Variants in AGBL3 observed in about 807,000 individuals in gnomAD.
AGBL3 encodes the protein AGBL carboxypeptidase 3.
In AGBL3, 68 loss-of-function variants were observed where a neutral mutation model predicts 94.5. The observed-to-expected ratio is 0.72, with a 90% confidence interval of 0.59 to 0.88. The LOEUF (loss-of-function observed/expected upper bound fraction) is 0.88. Among genes scored for constraint, AGBL3 ranks in the 40% least tolerant of loss-of-function variants. The probability of loss-of-function intolerance (pLI) is 0.00; values close to 1 mark genes in which losing one functional copy is unlikely to be tolerated. For synonymous variants in AGBL3, 354 were observed against 370.7 expected, an observed-to-expected ratio of 0.95 and a Z score of 0.52; for missense variants, 934 against 1,103.8, an observed-to-expected ratio of 0.85 and a Z score of 2.18.
At position 135,006,295 on chromosome 7, in the gene AGBL3, G is replaced by T. The variant is rs1006301120; in HGVS notation, c.311-10757G>T. On this transcript the variant is annotated intron_variant, in intron 4 of 16. Transcript: ENST00000436302. Reference sequence around the variant, plus strand: ...ACCCCTCATTGACTAGAATTATATTGCATGGCTACTCCTGGCCACAGGCAA... The same window carrying T: ...ACCCCTCATTGACTAGAATTATATTTCATGGCTACTCCTGGCCACAGGCAA... 4.7e-4 allele frequency among the ~76,000 whole-genome samples: 72 copies of T among 151,666 alleles called. 1 individual carries two copies. The highest frequency in any genetic ancestry group is 4.0e-4 in the Non-Finnish European group (27 of 67,744).
chr7:135,026,350 T>C (rs1184597634), intron 5 of AGBL3, among the ~76,000 whole-genome samples: 3 of 150,100 alleles, frequency 2.0e-5, no homozygotes, highest in Admixed American at 6.7e-5. Flanking sequence ...TCTTGGCTCA[T>C]TGCAACCTCC....
intron 16 of AGBL3, among the ~76,000 whole-genome samples, chr7:135,123,631 G>A (rs1232000688): frequency 6.6e-6 from 1 of 152,022 alleles, no homozygotes; most frequent in Non-Finnish European, 1.5e-5. Flanking sequence ...AAATGTTAAG[G>A]GCAGCCAGAG....
intron 5 of AGBL3, among the ~76,000 whole-genome samples, chr7:135,020,360 T>A (rs767522663): frequency 1.3e-5 from 2 of 152,164 alleles, no homozygotes; most frequent in Non-Finnish European, 2.9e-5. Flanking sequence ...CACAATGAGA[T>A]ACCATCTCAC....
chr7:135,055,969 A>G (rs1476172753), intron 11 of AGBL3, among the ~76,000 whole-genome samples: 3 of 151,834 alleles, frequency 2.0e-5, no homozygotes, highest in Non-Finnish European at 4.4e-5. Flanking sequence ...TTAGATCTAT[A>G]TCTCTCCCAG....
intron 5 of AGBL3, among the ~76,000 whole-genome samples, chr7:135,032,372 T>G (rs1222859361): frequency 6.6e-6 from 1 of 152,034 alleles, no homozygotes; most frequent in East Asian, 1.9e-4. Flanking sequence ...TGACGCGATC[T>G]CCGCTCACTG....
intron 11 of AGBL3, among the ~76,000 whole-genome samples, chr7:135,058,231 T>C (rs1818507747): frequency 6.6e-6 from 1 of 152,154 alleles, no homozygotes; most frequent in South Asian, 2.1e-4. Flanking sequence ...ACCTGCTCAA[T>C]TTTTCTGTAA....
chr7:135,037,636 T>G, intron 8 of AGBL3, 56 bp downstream of exon 8: 1 of 1,401,384 alleles, frequency 7.1e-7, no homozygotes. Context: ...CCATGTGAGA[T>G]AGCAGAATGG....
At position 135,056,517 on chromosome 7, in the gene AGBL3, T is replaced by G. The variant is rs535272836; in HGVS notation, c.1842-2652T>G. Among the ~76,000 whole-genome samples, 6 of 152,140 alleles carry G rather than the reference T, an allele frequency of 3.9e-5. No homozygotes were observed. The South Asian group carries it at 1.2e-3, about 32-fold the overall frequency. ...ATCTATGTAGAAAATATCAAAGAAT[T>G]TTTTAAAAACCTGAAACTAATAATT... On this transcript the variant is annotated intron_variant, in intron 11 of 16. Transcript: ENST00000436302.
intron 5 of AGBL3, among the ~76,000 whole-genome samples, chr7:135,030,493 ATG>A (rs1815613705): frequency 6.6e-6 from 1 of 152,154 alleles, no homozygotes; most frequent in Non-Finnish European, 1.5e-5. Context: ...TCTGTATGTA[ATG>A]TGTCTTTTTC....
rs1554510800 is a variant in AGBL3 at position 135,073,512 on chromosome 7, A to AAATAAACT, written c.1909-2883_1909-2882insTAAACTAA. 7.8e-3 allele frequency among the ~76,000 whole-genome samples: 1,120 copies of AAATAAACT among 144,230 alleles called. 6 individuals carry two copies. The highest frequency in any genetic ancestry group is 0.014 in the Middle Eastern group (4 of 288). 94.6% of individuals were successfully genotyped at this position (144,230 alleles called of 152,430 possible). A position where few individuals can be genotyped will look rare whatever the true frequency, so the allele number is the denominator to read the frequency against. On this transcript the variant is annotated intron_variant, in intron 12 of 16. Transcript: ENST00000436302. ...TAAATAAATAAATAAATAAATAAATAAACCTTGCAGTTTTAAGAGTGTAGT... is the reference window on the plus strand; with the variant it reads ...TAAATAAATAAATAAATAAATAAATAAATAAACTAACCTTGCAGTTTTAAGAGTGTAGT...
At chr7:135,123,235 C>T (rs906253386) in intron 16 of AGBL3, among the ~76,000 whole-genome samples, 6 of 152,078 alleles carry the variant, frequency 3.9e-5, no homozygotes, top group Non-Finnish European at 1.5e-5. Flanking sequence ...AGCACAAGAA[C>T]CTTGTGAAGC....
At chr7:135,025,918 C>CCG (rs34045375) in intron 5 of AGBL3, among the ~76,000 whole-genome samples, 1 of 151,392 alleles carries the variant, frequency 6.6e-6, no homozygotes, top group South Asian at 2.2e-4. Context: ...AATGGCGCAT[C>CCG]GTTTCATAAA....
intron 7 of AGBL3, among the ~76,000 whole-genome samples, chr7:135,035,480 T>A (rs1816211450): frequency 6.6e-6 from 1 of 151,990 alleles, no homozygotes; most frequent in South Asian, 2.1e-4. Flanking sequence ...TGTGGAAAGG[T>A]GAGCAGCTGT....
chr7:135,069,897 G>A (rs184563197), intron 12 of AGBL3, among the ~76,000 whole-genome samples: 225 of 152,218 alleles, frequency 1.5e-3, no homozygotes, highest in African/African-American at 5.2e-3. Flanking sequence ...AGGAAATAGA[G>A]GCACAAAAAA....
At chr7:134,989,227 A>G in intron 2 of AGBL3, 23 bp from the exon 3 acceptor site, 1 of 1,508,042 alleles carries the variant, frequency 6.6e-7, no homozygotes, top group Non-Finnish European at 8.9e-7. Context: ...TAAAAGAGAA[A>G]TATTTTTAAA....
intron 4 of AGBL3, among the ~76,000 whole-genome samples, chr7:135,007,665 G>A (rs1188537826): frequency 1.3e-5 from 2 of 151,852 alleles, no homozygotes; most frequent in Admixed American, 6.6e-5. Context: ...TCTAGCCAGG[G>A]TAATTAGACA....
chr7:135,015,638 A>T (rs113744671), intron 4 of AGBL3, among the ~76,000 whole-genome samples: 2 of 102,998 alleles, frequency 1.9e-5, no homozygotes, highest in Non-Finnish European at 4.5e-5. Flanking sequence ...AGTTATTAAT[A>T]AATAAAGAAG....
chr7:134,987,861 T>G lies in AGBL3; in HGVS notation c.-59-14T>G. ...TACAGCTTGAAAAGAAAAGCTGTCA[T>G]ATAATTTCCTTAGAAATTGTTTTAC... is the stretch of plus-strand genomic sequence containing the variant. On this transcript the variant is annotated splice_polypyrimidine_tract_variant and intron_variant, in intron 1 of 16. Coordinates refer to ENST00000436302, the MANE Select transcript of AGBL3 (RefSeq NM_178563.4). The G allele has an allele frequency of 9.0e-7, 1 of 1,109,632 alleles. No individual in the cohort carries two copies. Among genetic ancestry groups the G allele is most frequent in the Non-Finnish European group, 1.3e-6 (1 of 763,050 alleles). The allele number at this position is 1,109,632 out of a possible 1,614,324, so 68.7% of individuals were successfully genotyped here.
At chr7:135,080,836 T>C (rs954173672) in intron 14 of AGBL3, among the ~76,000 whole-genome samples, 9 of 150,964 alleles carry the variant, frequency 6.0e-5, no homozygotes, top group African/African-American at 1.9e-4. Context: ...ATTTTGATTT[T>C]ATCTAAAATA....
Sources: gnomAD v4.1 joint callset for allele counts (sites outside exome capture counted in the v4.1 genomes callset) on GRCh38, gnomAD v4.1.1 for gene constraint, MANE v1.5 for transcripts, NCBI Gene and HGNC (gene_info 2026-07-23, HGNC 2026-07-21) for gene names.